Variants in CCDC180 observed in about 807,000 individuals in gnomAD.
CCDC180 encodes coiled-coil domain-containing protein 180.
In CCDC180, 154 loss-of-function variants were observed where a neutral mutation model predicts 209.2. The observed-to-expected ratio is 0.74, with a 90% confidence interval of 0.65 to 0.84. CCDC180 has a LOEUF of 0.84. Among genes scored for constraint, CCDC180 ranks in the 40% least tolerant of loss-of-function variants. The probability of loss-of-function intolerance (pLI) is 0.00; values close to 1 mark genes in which losing one functional copy is unlikely to be tolerated. For synonymous variants in CCDC180, 778 were observed against 749.1 expected (o/e 1.04, Z -0.63); for missense variants, 1,874 against 1,997.3 (o/e 0.94, Z 1.18).
At chr9:97,347,150 AT>A (rs1395002829) in intron 19 of CCDC180, among the ~76,000 whole-genome samples, 163 bp from the exon 20 acceptor site, 2 of 152,218 alleles carry the variant, frequency 1.3e-5, no homozygotes, top group Admixed American at 6.5e-5. Flanking sequence ...CAGCAGTGGT[AT>A]GGTTAAAAGA....
At chr9:97,352,282 A>C (rs1826441373) in intron 22 of CCDC180, among the ~76,000 whole-genome samples, 1 of 152,216 alleles carries the variant, frequency 6.6e-6, no homozygotes, top group Admixed American at 6.5e-5. Flanking sequence ...GAGAGTGAGA[A>C]ATGGGAGATG....
At chr9:97,350,650 A>G in intron 22 of CCDC180, 95 bp downstream of exon 22, 1 of 1,293,802 alleles carries the variant, frequency 7.7e-7, no homozygotes, top group Non-Finnish European at 1.1e-6. Flanking sequence ...TTGACAAAAT[A>G]AACGTAACAT....
At chr9:97,364,811 G>A (rs1271851704) in intron 29 of CCDC180, among the ~76,000 whole-genome samples, 3 of 152,186 alleles carry the variant, frequency 2.0e-5, no homozygotes, top group Non-Finnish European at 4.4e-5. Context: ...GATGCAGGAG[G>A]ATGTTTGGTC....
chr9:97,368,062 A>G (rs1258986464), intron 31 of CCDC180, among the ~76,000 whole-genome samples: 1 of 152,140 alleles, frequency 6.6e-6, no homozygotes, highest in East Asian at 1.9e-4. Context: ...TACAGACTGC[A>G]CCCCTCTCTG....
At chr9:97,321,120 A>C (rs73559871) in intron 11 of CCDC180, among the ~76,000 whole-genome samples, 4,153 of 152,266 alleles carry the variant, frequency 0.027, 186 homozygotes, top group African/African-American at 0.094. Flanking sequence ...ATTTTGCCGA[A>C]CTGTAGGCTA....
intron 2 of CCDC180, among the ~76,000 whole-genome samples, chr9:97,308,508 C>A (rs1024775609): frequency 1.3e-5 from 2 of 152,138 alleles, no homozygotes; most frequent in Admixed American, 6.5e-5. Flanking sequence ...TCTCACAGAC[C>A]CTTTTCTATG....
Position 97,350,393 on chromosome 9 carries a change from C to A in CCDC180, c.2856-16C>A. On this transcript the variant is annotated splice_polypyrimidine_tract_variant and intron_variant, in intron 21 of 36. Transcript: ENST00000529487. ...TGTCCCCCATCACTGTCCTGTTCCT[C>A]CTCTGTCTCCCACAGGCTGGTCACT... 6.5e-7 allele frequency: 1 copy of A among 1,534,764 alleles called. No homozygotes were observed. The highest frequency in any genetic ancestry group is 8.7e-7 in the Non-Finnish European group (1 of 1,146,836).
chr9:97,331,803 T>C (rs1010308877), intron 18 of CCDC180, among the ~76,000 whole-genome samples: 26 of 152,252 alleles, frequency 1.7e-4, no homozygotes, highest in African/African-American at 5.8e-4. Flanking sequence ...TATTAGACCT[T>C]TGTCAGATGC....
intron 26 of CCDC180, 34 bp from the exon 27 acceptor site, chr9:97,361,692 C>G (rs745957195): frequency 6.2e-7 from 1 of 1,609,150 alleles, no homozygotes; most frequent in South Asian, 1.1e-5. Context: ...TGGGCTGGTC[C>G]TTACACCCTC....
At chr9:97,342,262 G>T (rs139598014) in intron 18 of CCDC180, among the ~76,000 whole-genome samples, 4 of 152,302 alleles carry the variant, frequency 2.6e-5, no homozygotes, top group Non-Finnish European at 5.9e-5. Flanking sequence ...TGCGTTGATC[G>T]TGCTGGGAGC....
chr9:97,315,731 G>T (rs1299690964), intron 8 of CCDC180, among the ~76,000 whole-genome samples: 1 of 152,166 alleles, frequency 6.6e-6, no homozygotes, highest in African/African-American at 2.4e-5. Flanking sequence ...TCCAGCCCAT[G>T]TCAGCTCCAT....
chr9:97,357,960 C>A, intron 25 of CCDC180: 1 of 418,846 alleles, frequency 2.4e-6, no homozygotes, highest in Non-Finnish European at 4.2e-6. Context: ...GGAGCAGCGT[C>A]TAGTGTTGGG....
At chr9:97,309,341 A>G in intron 2 of CCDC180, 73 bp from the exon 3 acceptor site, 1 of 1,445,784 alleles carries the variant, frequency 6.9e-7, no homozygotes, top group Non-Finnish European at 9.4e-7. Context: ...CTAGACAGCC[A>G]CCATCAGCCT....
intron 28 of CCDC180, among the ~76,000 whole-genome samples, chr9:97,363,106 A>G (rs1161798243): frequency 6.6e-6 from 1 of 152,212 alleles, no homozygotes; most frequent in East Asian, 1.9e-4. Context: ...CCTCCTCTCC[A>G]GCTGTGCGCT....
intron 18 of CCDC180, among the ~76,000 whole-genome samples, chr9:97,335,244 A>G (rs1825866106): frequency 2.0e-5 from 3 of 151,824 alleles, no homozygotes. Context: ...TTTGTTACAT[A>G]TGTATACATG....
chr9:97,377,734 G>A lies in CCDC180; in HGVS notation c.*840G>A, dbSNP rs1190527662. ...TGGTGGCCTTTGTGCACTGAAGCCAGGAGAGTGAGGAGTCCCCTTCCATCA... is the reference window on the plus strand; with the variant it reads ...TGGTGGCCTTTGTGCACTGAAGCCAAGAGAGTGAGGAGTCCCCTTCCATCA... On this transcript the variant is annotated 3_prime_UTR_variant, in exon 37 of 37. Coordinates refer to ENST00000529487, the MANE Select transcript of CCDC180 (RefSeq NM_020893.6). 6.6e-6 allele frequency: 1 copy of A among 152,200 alleles called. No individual in the cohort carries two copies. 9.4% of individuals were successfully genotyped at this position (152,200 alleles called of 1,614,324 possible).
intron 36 of CCDC180, 52 bp downstream of exon 36, chr9:97,375,641 G>A (rs769730194): frequency 6.2e-7 from 1 of 1,608,156 alleles, no homozygotes; most frequent in African/African-American, 1.3e-5. Context: ...CAGGTCGGCT[G>A]CCTTGGGAAG....
At chr9:97,361,128 C>T (rs570299272) in intron 26 of CCDC180, among the ~76,000 whole-genome samples, 1 of 152,264 alleles carries the variant, frequency 6.6e-6, no homozygotes, top group South Asian at 2.1e-4. Flanking sequence ...ACTGACAGGC[C>T]ATTGCTAAGA....
At chr9:97,318,430 C>T (rs1833250027) in intron 9 of CCDC180, 33 bp from the exon 10 acceptor site, 2 of 1,610,918 alleles carry the variant, frequency 1.2e-6, no homozygotes, top group African/African-American at 2.7e-5. Context: ...CTCCTCCTCT[C>T]CCCTTTATGG....
Sources: gnomAD v4.1 joint callset for allele counts (sites outside exome capture counted in the v4.1 genomes callset) on GRCh38, gnomAD v4.1.1 for gene constraint, MANE v1.5 for transcripts, NCBI Gene and HGNC (gene_info 2026-07-23, HGNC 2026-07-21) for gene names.